The following FXR1 variants were observed in gnomAD, a reference collection of about 807,000 sequenced individuals.
FXR1 encodes RNA-binding protein FXR1.
A neutral mutation model predicts 84.0 loss-of-function variants in FXR1; 15 were observed. The observed-to-expected ratio is 0.18, with a 90% confidence interval of 0.12 to 0.27. The LOEUF is 0.27. FXR1 is among the 10% of genes least tolerant of loss of function. The pLI is 1.00. For synonymous variants in FXR1, 245 were observed against 250.7 expected (o/e 0.98, Z 0.21); for missense variants, 480 against 774.4 (o/e 0.62, Z 4.51).
intron 9 of FXR1, 96 bp downstream of exon 9, chr3:180,953,936 T>G (rs1722482958): frequency 1.5e-6 from 1 of 669,094 alleles, no homozygotes; most frequent in South Asian, 1.8e-5. Context: ...CTGATAACCT[T>G]ATTCCAGTTA....
intron 1 of FXR1, among the ~76,000 whole-genome samples, chr3:180,921,206 A>G (rs1326235901): frequency 1.3e-5 from 2 of 151,842 alleles, no homozygotes; most frequent in Non-Finnish European, 2.9e-5. Context: ...CATCTCCACT[A>G]AAAACACAAA....
chr3:180,912,888 C>T, intron 1 of FXR1, 152 bp downstream of exon 1: 4 of 1,416,638 alleles, frequency 2.8e-6, no homozygotes, highest in South Asian at 1.2e-5. Context: ...CCCCCTCCAC[C>T]CGCGGTTTAA....
intron 3 of FXR1, 120 bp downstream of exon 3, chr3:180,935,351 T>C (rs1386008907): frequency 1.7e-6 from 1 of 604,572 alleles, no homozygotes; most frequent in Non-Finnish European, 3.0e-6. Flanking sequence ...ATTCTTTCTA[T>C]TGGTGGTAAT....
chr3:180,917,984 A>T (rs1392404403), intron 1 of FXR1, among the ~76,000 whole-genome samples: 1 of 150,824 alleles, frequency 6.6e-6, no homozygotes, highest in Non-Finnish European at 1.5e-5. Flanking sequence ...ATTTAAATGC[A>T]TATATTTCTT....
chr3:180,919,730 G>A (rs1197405306), intron 1 of FXR1, among the ~76,000 whole-genome samples: 1 of 152,084 alleles, frequency 6.6e-6, no homozygotes, highest in African/African-American at 2.4e-5. Context: ...CTGGAGTGCA[G>A]TGGCGCAATC....
chr3:180,917,583 T>A (rs1419255944), intron 1 of FXR1, among the ~76,000 whole-genome samples: 1 of 152,152 alleles, frequency 6.6e-6, no homozygotes, highest in African/African-American at 2.4e-5. Context: ...TCACAGATAG[T>A]TGCAAAACGT....
intron 3 of FXR1, among the ~76,000 whole-genome samples, chr3:180,941,900 G>T (rs1721162180): frequency 6.6e-6 from 1 of 152,088 alleles, no homozygotes; most frequent in African/African-American, 2.4e-5. Context: ...CAAAATGGCA[G>T]ATACATAATA....
At chr3:180,940,419 G>C (rs1470667006) in intron 3 of FXR1, among the ~76,000 whole-genome samples, 1 of 152,124 alleles carries the variant, frequency 6.6e-6, no homozygotes. Flanking sequence ...TGGAAGGGCA[G>C]TAGAAATATC....
At chr3:180,968,603 G>A (rs1713139919) in intron 14 of FXR1, among the ~76,000 whole-genome samples, 1 of 152,102 alleles carries the variant, frequency 6.6e-6, no homozygotes, top group Admixed American at 6.6e-5. Flanking sequence ...CAGACCCAGA[G>A]ATTTCTAATG....
intron 13 of FXR1, among the ~76,000 whole-genome samples, chr3:180,965,110 G>T (rs565520389): frequency 6.6e-6 from 1 of 151,904 alleles, no homozygotes; most frequent in South Asian, 2.1e-4. Context: ...TCTCCCTCCT[G>T]GGTTCAAGTG....
At chr3:180,958,888 A>ACCTCTG (rs1428233644) in intron 10 of FXR1, among the ~76,000 whole-genome samples, 3 of 150,222 alleles carry the variant, frequency 2.0e-5, no homozygotes, top group Non-Finnish European at 4.4e-5. Context: ...GCTCACTGCA[A>ACCTCTG]CCTCTGCCTC....
In FXR1 at chr3:180,928,125, A is replaced by ATT. The variant is rs11425748; in HGVS notation, c.52-5197_52-5196dup. Among the ~76,000 whole-genome samples the ATT allele has an allele frequency of 5.6e-3, 798 of 141,714 alleles. 6 individuals carry two copies. The highest frequency in any genetic ancestry group is 0.018 in the African/African-American group (707 of 38,822). The allele number at this position is 141,714 out of a possible 152,430, so 93.0% of individuals were successfully genotyped here. A position where few individuals can be genotyped will look rare whatever the true frequency, so the allele number is the denominator to read the frequency against. The stretch of plus-strand genomic sequence containing the variant: ...TGAAGTTTGAATGTTTTATCTATTG[A>ATT]TTTTTTTTTTTTTCTGATGAAGACA... On this transcript the variant is annotated intron_variant, in intron 1 of 16. Transcript: ENST00000357559.
chr3:180,921,915 C>G (rs148395136), intron 1 of FXR1, among the ~76,000 whole-genome samples: 34 of 152,166 alleles, frequency 2.2e-4, no homozygotes, highest in Admixed American at 1.2e-3. Context: ...AGCACATATA[C>G]GTGGTTCCAT....
chr3:180,930,259 C>T (rs1719730623), intron 1 of FXR1, among the ~76,000 whole-genome samples: 1 of 148,538 alleles, frequency 6.7e-6, no homozygotes, highest in Non-Finnish European at 1.5e-5. Context: ...GAGACTCCAT[C>T]TCAAAAAAAA....
At chr3:180,939,651 CTCT>C (rs1458329382) in intron 3 of FXR1, among the ~76,000 whole-genome samples, 1 of 152,186 alleles carries the variant, frequency 6.6e-6, no homozygotes, top group African/African-American at 2.4e-5. Flanking sequence ...GGTTTGTGTC[CTCT>C]TCTTAACTGT....
At position 180,982,300 on chromosome 3, in the gene FXR1, A is replaced by T. The variant is rs1714648254; in HGVS notation, c.*6008A>T. ...GTAAGAAAATACCAGCAAAAGATAA[A>T]AGTTTTTTTATGGATCGTATTTGTA... On this transcript the variant is annotated 3_prime_UTR_variant, in exon 17 of 17. Transcript: ENST00000357559. 6.6e-6 allele frequency: 1 copy of T among 151,476 alleles called. No homozygotes were observed. The highest frequency in any genetic ancestry group is 6.6e-5 in the Admixed American group (1 of 15,196). 9.4% of individuals were successfully genotyped at this position (151,476 alleles called of 1,614,324 possible).
At chr3:180,950,298 G>A (rs530234152) in intron 7 of FXR1, among the ~76,000 whole-genome samples, 1 of 152,310 alleles carries the variant, frequency 6.6e-6, no homozygotes, top group South Asian at 2.1e-4. Flanking sequence ...CTGAACAAGG[G>A]ATATGTGAAC....
chr3:180,950,200 A>T (rs938280199), intron 7 of FXR1, among the ~76,000 whole-genome samples: 2 of 152,228 alleles, frequency 1.3e-5, no homozygotes, highest in Non-Finnish European at 2.9e-5. Flanking sequence ...ACACATGTGC[A>T]TGCACACACT....
intron 15 of FXR1, among the ~76,000 whole-genome samples, chr3:180,973,773 G>C (rs920719872): frequency 4.6e-5 from 7 of 152,162 alleles, no homozygotes; most frequent in Admixed American, 2.0e-4. Flanking sequence ...GAAATAGGTT[G>C]TTCCTTTGTG....
Sources: gnomAD v4.1 joint callset for allele counts (sites outside exome capture counted in the v4.1 genomes callset) on GRCh38, gnomAD v4.1.1 for gene constraint, MANE v1.5 for transcripts, NCBI Gene and HGNC (gene_info 2026-07-23, HGNC 2026-07-21) for gene names.